The following ARFGEF1 variants were observed in gnomAD, a reference collection of about 807,000 sequenced individuals.
ARFGEF1 encodes ARF guanine nucleotide exchange factor 1.
Under a neutral mutation model 231.0 loss-of-function variants are expected in ARFGEF1, and 42 were observed. The observed-to-expected ratio is 0.18, with a 90% confidence interval of 0.14 to 0.24. The LOEUF (loss-of-function observed/expected upper bound fraction) is 0.24, where lower values mean the gene tolerates loss of function less well. Among genes scored for constraint, ARFGEF1 ranks in the 10% least tolerant of loss-of-function variants. The probability of loss-of-function intolerance (pLI) is 1.00; values close to 1 mark genes in which losing one functional copy is unlikely to be tolerated. For missense variants in ARFGEF1, 1,345 were observed against 2,192.0 expected, an observed-to-expected ratio of 0.61 and a Z score of 7.72; for synonymous variants, 710 against 732.3, an observed-to-expected ratio of 0.97 and a Z score of 0.49.
At chr8:67,200,306 T>G (rs1352389320) in intron 38 of ARFGEF1, 90 bp downstream of exon 38, 1 of 911,446 alleles carries the variant, frequency 1.1e-6, no homozygotes, top group African/African-American at 1.6e-5. Flanking sequence ...GATTCATCTC[T>G]GAGAGCTCTT....
intron 1 of ARFGEF1, among the ~76,000 whole-genome samples, chr8:67,328,152 TA>T (rs1807927840): frequency 6.6e-6 from 1 of 152,206 alleles, no homozygotes; most frequent in Admixed American, 6.5e-5. Flanking sequence ...TGCCTATGTT[TA>T]TTAGCAGAGT....
intron 8 of ARFGEF1, 28 bp downstream of exon 8, chr8:67,277,254 C>CT: frequency 6.2e-7 from 1 of 1,606,282 alleles, no homozygotes. Context: ...AACAGGATTT[C>CT]TCCCCCTCCC....
intron 33 of ARFGEF1, among the ~76,000 whole-genome samples, chr8:67,215,115 A>G (rs1434574233): frequency 6.6e-6 from 1 of 152,176 alleles, no homozygotes; most frequent in African/African-American, 2.4e-5. Context: ...ACTGTATTTT[A>G]AAAGTTACAA....
Position 67,258,075 on chromosome 8 carries a change from C to T in ARFGEF1, c.2441+10G>A. ...AACAGACAATCAATGAGCATTTGAA[C>T]CTTATTTACCCTTGGTTGCATTCTA... On this transcript the variant is annotated intron_variant, in intron 16 of 38. Coordinates refer to ENST00000262215, the MANE Select transcript of ARFGEF1 (RefSeq NM_006421.5). 1.2e-6 allele frequency: 2 copies of T among 1,603,620 alleles called. No homozygotes were observed. Among genetic ancestry groups the T allele is most frequent in the African/African-American group, 1.3e-5 (1 of 74,752 alleles).
intron 5 of ARFGEF1, among the ~76,000 whole-genome samples, chr8:67,191,404 T>G (rs1356733681): frequency 1.3e-5 from 2 of 152,248 alleles, no homozygotes; most frequent in Non-Finnish European, 2.9e-5. Context: ...ATGTTGCTAT[T>G]AGCGTTATTA....
At chr8:67,341,014 T>C (rs1346547286) in intron 1 of ARFGEF1, among the ~76,000 whole-genome samples, 1 of 152,114 alleles carries the variant, frequency 6.6e-6, no homozygotes, top group African/African-American at 2.4e-5. Flanking sequence ...TATGGCACAT[T>C]AGAGGAGATG....
intron 19 of ARFGEF1, among the ~76,000 whole-genome samples, chr8:67,243,948 G>A (rs1228363456): frequency 1.3e-5 from 2 of 152,058 alleles, no homozygotes; most frequent in South Asian, 4.2e-4. Context: ...TTCCACAGTT[G>A]AAAAATGCAG....
chr8:67,202,613 A>G (rs920351070), intron 36 of ARFGEF1, among the ~76,000 whole-genome samples: 2 of 152,118 alleles, frequency 1.3e-5, no homozygotes, highest in African/African-American at 2.4e-5. Flanking sequence ...ATAAAAGCTT[A>G]TTTTTTGTTT....
chr8:67,262,025 A>G (rs2128891486), intron 14 of ARFGEF1, among the ~76,000 whole-genome samples: 1 of 152,076 alleles, frequency 6.6e-6, no homozygotes, highest in Admixed American at 6.6e-5. Context: ...GATACTACTT[A>G]AAAGAGATAC....
At chr8:67,340,975 A>G (rs1218959123) in intron 1 of ARFGEF1, among the ~76,000 whole-genome samples, 3 of 152,174 alleles carry the variant, frequency 2.0e-5, no homozygotes, top group Admixed American at 2.0e-4. Flanking sequence ...TACCCAATGC[A>G]CGAGTTAACA....
At chr8:67,320,321 T>C (rs1476303291) in intron 1 of ARFGEF1, among the ~76,000 whole-genome samples, 4 of 151,040 alleles carry the variant, frequency 2.6e-5, no homozygotes, top group Admixed American at 2.6e-4. Context: ...ACACACCTAT[T>C]AACATGGTTA....
chr8:67,250,090 G>A (rs1038156240), intron 19 of ARFGEF1, among the ~76,000 whole-genome samples: 1 of 152,228 alleles, frequency 6.6e-6, no homozygotes, highest in African/African-American at 2.4e-5. Context: ...AAGAGATCTA[G>A]CGATGGAATT....
Position 67,299,235 on chromosome 8 carries a change from C to T in ARFGEF1, c.433G>A (p.Glu145Lys). Reference protein sequence around the residue: ...CGCFQGPQTDEGVQLQIIKAL... With the variant: ...CGCFQGPQTDKGVQLQIIKAL... Reference sequence around the variant, plus strand: ...TTTATTATCTGCAGCTGAACTCCTTCATCTGTCTGAGGGCCCTGAAAGCAG... The same window carrying T: ...TTTATTATCTGCAGCTGAACTCCTTTATCTGTCTGAGGGCCCTGAAAGCAG... The change falls in exon 4 of 39, where the codon GAA becomes AAA. Residue 145 changes from glutamate (E) to lysine (K), a missense_variant. Physicochemically the swap from Glu to Lys is moderately conservative, Grantham distance 56. Coordinates refer to ENST00000262215, the MANE Select transcript of ARFGEF1 (RefSeq NM_006421.5). 6.4e-7 allele frequency: 1 copy of T among 1,571,094 alleles called. No individual in the cohort carries two copies.
intron 34 of ARFGEF1, among the ~76,000 whole-genome samples, chr8:67,210,826 G>A (rs1467864544): frequency 2.0e-5 from 3 of 151,986 alleles, no homozygotes; most frequent in South Asian, 4.2e-4. Context: ...AGGCTGAGGC[G>A]GGCGGATCAT....
intron 10 of ARFGEF1, among the ~76,000 whole-genome samples, chr8:67,271,497 T>C (rs952505282): frequency 1.3e-5 from 2 of 152,242 alleles, no homozygotes; most frequent in Non-Finnish European, 2.9e-5. Flanking sequence ...CTCCATCTTA[T>C]TTCATTTTGC....
intron 5 of ARFGEF1, among the ~76,000 whole-genome samples, chr8:67,177,212 T>C (rs1040330222): frequency 2.0e-4 from 30 of 152,072 alleles, no homozygotes; most frequent in Non-Finnish European, 4.0e-4. Context: ...GGGCAAAATG[T>C]ACTATTCACA....
intron 5 of ARFGEF1, among the ~76,000 whole-genome samples, chr8:67,186,418 TAA>T (rs60962928): frequency 0.075 from 10,490 of 140,420 alleles, 863 homozygotes; most frequent in African/African-American, 0.2. Flanking sequence ...TGTTTTAAAT[TAA>T]AAAAAAAAAA....
intron 9 of ARFGEF1, among the ~76,000 whole-genome samples, chr8:67,275,298 T>C (rs974664264): frequency 2.6e-5 from 4 of 152,010 alleles, no homozygotes; most frequent in African/African-American, 9.7e-5. Context: ...CAAAAGTAAT[T>C]AGTTACATTT....
chr8:67,217,698 C>T, intron 32 of ARFGEF1, 84 bp downstream of exon 32: 2 of 1,388,156 alleles, frequency 1.4e-6, no homozygotes, highest in Non-Finnish European at 2.0e-6. Context: ...AATCAGTAGT[C>T]ACTATCAAAC....
Sources: gnomAD v4.1 joint callset for allele counts (sites outside exome capture counted in the v4.1 genomes callset) on GRCh38, gnomAD v4.1.1 for gene constraint, MANE v1.5 for transcripts, NCBI Gene and HGNC (gene_info 2026-07-23, HGNC 2026-07-21) for gene names.